STAU2: variants seen among roughly 807,000 people sequenced by gnomAD.
STAU2 encodes the protein double-stranded RNA-binding protein Staufen homolog 2.
A neutral mutation model predicts 65.9 loss-of-function variants in STAU2; 20 were observed. That is an observed-to-expected ratio of 0.30 (90% CI 0.21 to 0.44). STAU2 has a LOEUF of 0.44. STAU2 is among the 20% of genes least tolerant of loss of function. The pLI is 1.00. For synonymous variants in STAU2, 232 were observed against 233.9 expected, an observed-to-expected ratio of 0.99 and a Z score of 0.07; for missense variants, 558 against 683.9, an observed-to-expected ratio of 0.82 and a Z score of 2.05.
intron 13 of STAU2, among the ~76,000 whole-genome samples, chr8:73,459,317 G>C (rs73318782): frequency 0.072 from 11,003 of 152,094 alleles, 820 homozygotes; most frequent in African/African-American, 0.19. Flanking sequence ...AGTGAATACA[G>C]ATAATATGAA....
At chr8:73,678,912 T>C (rs1376122001) in intron 5 of STAU2, among the ~76,000 whole-genome samples, 2 of 152,184 alleles carry the variant, frequency 1.3e-5, no homozygotes, top group Non-Finnish European at 2.9e-5. Context: ...GCAGAGAATG[T>C]CAACCTAGCA....
intron 12 of STAU2, among the ~76,000 whole-genome samples, chr8:73,572,705 T>C (rs2128956606): frequency 6.6e-6 from 1 of 152,330 alleles, no homozygotes; most frequent in South Asian, 2.1e-4. Flanking sequence ...CAGCCCTTCA[T>C]GCTAAAAACT....
chr8:73,705,354 A>G (rs1355199721), intron 4 of STAU2, among the ~76,000 whole-genome samples: 2 of 152,200 alleles, frequency 1.3e-5, no homozygotes, highest in African/African-American at 4.8e-5. Flanking sequence ...CTTAAGGGCC[A>G]GTGGATGACA....
intron 12 of STAU2, among the ~76,000 whole-genome samples, chr8:73,565,926 G>A (rs1808570149): frequency 6.6e-6 from 1 of 152,122 alleles, no homozygotes; most frequent in African/African-American, 2.4e-5. Flanking sequence ...ACCTATCAAT[G>A]ATGTTAAGTA....
intron 13 of STAU2, among the ~76,000 whole-genome samples, chr8:73,525,706 G>T (rs1823320577): frequency 6.6e-6 from 1 of 152,176 alleles, no homozygotes; most frequent in Non-Finnish European, 1.5e-5. Context: ...TTACTGATGT[G>T]CTTTTTCATT....
At chr8:73,624,228 G>A (rs1201155202) in intron 6 of STAU2, among the ~76,000 whole-genome samples, 1 of 152,110 alleles carries the variant, frequency 6.6e-6, no homozygotes. Flanking sequence ...TGATAAACTA[G>A]TGGAATGATT....
At chr8:73,610,727 G>T (rs532472970) in intron 9 of STAU2, among the ~76,000 whole-genome samples, 1 of 152,174 alleles carries the variant, frequency 6.6e-6, no homozygotes, top group Non-Finnish European at 1.5e-5. Context: ...TCTAAGATTA[G>T]AAAGCCTTCT....
intron 13 of STAU2, among the ~76,000 whole-genome samples, chr8:73,525,365 A>C (rs1417482503): frequency 6.6e-6 from 1 of 152,222 alleles, no homozygotes; most frequent in African/African-American, 2.4e-5. Flanking sequence ...TTCACACCGC[A>C]GTTATTGTAG....
intron 13 of STAU2, among the ~76,000 whole-genome samples, chr8:73,507,571 G>A (rs1822138106): frequency 6.6e-6 from 1 of 152,164 alleles, no homozygotes; most frequent in Non-Finnish European, 1.5e-5. Context: ...ATTCTTAAAG[G>A]CCCTAGGATT....
chr8:73,636,042 CAACT>C (rs945521619), intron 6 of STAU2, among the ~76,000 whole-genome samples: 13 of 151,288 alleles, frequency 8.6e-5, no homozygotes, highest in African/African-American at 3.2e-4. Context: ...AGACCCCAGC[CAACT>C]AACTGCCTGC....
intron 13 of STAU2, among the ~76,000 whole-genome samples, chr8:73,439,550 A>G (rs752472864): frequency 2.0e-5 from 3 of 152,200 alleles, no homozygotes; most frequent in Admixed American, 6.5e-5. Context: ...CCCGGGAGGT[A>G]GAGGCCGCAG....
chr8:73,421,707 A>T (rs1219811109), intron 14 of STAU2, among the ~76,000 whole-genome samples: 1 of 152,224 alleles, frequency 6.6e-6, no homozygotes, highest in Non-Finnish European at 1.5e-5. Context: ...TGTTTACCAA[A>T]TGTTTTCTTC....
intron 13 of STAU2, among the ~76,000 whole-genome samples, chr8:73,442,136 C>T (rs1395705757): frequency 2.0e-5 from 3 of 152,058 alleles, no homozygotes; most frequent in Middle Eastern, 3.4e-3. Flanking sequence ...GGGCGGATCA[C>T]GAGGTCAGGA....
At chr8:73,557,760 G>A (rs79036161) in intron 12 of STAU2, among the ~76,000 whole-genome samples, 7,851 of 152,036 alleles carry the variant, frequency 0.052, 498 homozygotes, top group African/African-American at 0.15. Context: ...CACTTCCCTC[G>A]CTCAGGCTTG....
At chr8:73,603,662 C>T (rs1811801678) in intron 10 of STAU2, 64 bp downstream of exon 10, 8 of 1,557,036 alleles carry the variant, frequency 5.1e-6, no homozygotes, top group Non-Finnish European at 6.9e-6. Flanking sequence ...GCCTTTCGCC[C>T]AAATGCCTAT....
At chr8:73,548,814 C>T (rs777610504) in intron 13 of STAU2, among the ~76,000 whole-genome samples, 1 of 152,114 alleles carries the variant, frequency 6.6e-6, no homozygotes, top group Admixed American at 6.6e-5. Flanking sequence ...CACAGAATAG[C>T]AAACTGAAAT....
intron 5 of STAU2, among the ~76,000 whole-genome samples, chr8:73,681,606 T>G (rs539094756): frequency 6.6e-6 from 1 of 151,880 alleles, no homozygotes; most frequent in African/African-American, 2.4e-5. Context: ...GCACAATGGA[T>G]AGAATAGTAC....
At chr8:73,687,316 T>TA (rs1563506676) in intron 5 of STAU2, among the ~76,000 whole-genome samples, 4 of 118,756 alleles carry the variant, frequency 3.4e-5, no homozygotes, top group African/African-American at 6.2e-5. Flanking sequence ...ATATAATTTA[T>TA]ATTTATATTT....
intron 13 of STAU2, among the ~76,000 whole-genome samples, chr8:73,531,473 A>T (rs1805807086): frequency 6.6e-6 from 1 of 152,142 alleles, no homozygotes; most frequent in Admixed American, 6.5e-5. Flanking sequence ...TTGCTTGAGG[A>T]CCCAATTTCA....
Sources: gnomAD v4.1 joint callset for allele counts (sites outside exome capture counted in the v4.1 genomes callset) on GRCh38, gnomAD v4.1.1 for gene constraint, MANE v1.5 for transcripts, NCBI Gene and HGNC (gene_info 2026-07-23, HGNC 2026-07-21) for gene names.